The following TPRG1 variants were observed in gnomAD, a reference collection of about 807,000 sequenced individuals.
The protein encoded by TPRG1 is tumor protein p63 regulated 1.
Under a neutral mutation model 29.3 loss-of-function variants are expected in TPRG1, and 29 were observed. That is an observed-to-expected ratio of 0.99 (90% CI 0.74 to 1.35). TPRG1 has a LOEUF of 1.35. TPRG1 is among the 40% of genes most tolerant of loss of function. The pLI is 0.00. For synonymous variants in TPRG1, 130 were observed against 116.8 expected (o/e 1.11, Z -0.73); for missense variants, 327 against 335.0 (o/e 0.98, Z 0.19).
intron 4 of TPRG1, among the ~76,000 whole-genome samples, chr3:189,068,699 C>G (rs993093222): frequency 2.6e-5 from 4 of 152,108 alleles, no homozygotes; most frequent in African/African-American, 9.7e-5. Flanking sequence ...TCGCTCAAAC[C>G]TGGGAGGCGG....
intron 3 of TPRG1, among the ~76,000 whole-genome samples, chr3:189,017,335 C>T (rs970610096): frequency 6.6e-6 from 1 of 151,966 alleles, no homozygotes; most frequent in African/African-American, 2.4e-5. Flanking sequence ...CCCACTAACT[C>T]GTCATCTAGC....
intron 4 of TPRG1, among the ~76,000 whole-genome samples, chr3:189,054,632 C>G (rs1201312270): frequency 6.6e-6 from 1 of 151,812 alleles, no homozygotes. Context: ...TGCACACACA[C>G]AAAAGCCGGG....
At chr3:189,161,572 G>C (rs1727494919) in intron 5 of TPRG1, among the ~76,000 whole-genome samples, 1 of 151,978 alleles carries the variant, frequency 6.6e-6, no homozygotes, top group African/African-American at 2.4e-5. Flanking sequence ...AGGCCCAAAA[G>C]CCTGGCAGTA....
chr3:189,147,603 C>G (rs1174479019), exon 4 of TPRG1: 1 of 152,206 alleles, frequency 6.6e-6, no homozygotes, highest in African/African-American at 2.4e-5. Flanking sequence ...CATTTGGAAG[C>G]CCCTTTGCTT....
At position 189,090,194 on chromosome 3, in the gene TPRG1, G is replaced by T. The variant is rs192722411; in HGVS notation, c.-462-36863G>T. Among the ~76,000 whole-genome samples the T allele has an allele frequency of 3.3e-5, 5 of 152,006 alleles. No homozygotes were observed. The South Asian group carries it at 1.0e-3, about 32-fold the overall frequency. On this transcript the variant is annotated intron_variant, in intron 4 of 10. Coordinates refer to the TPRG1 transcript ENST00000433971. ...AAAGCTACATCCCCCAAATTTTGAC[G>T]CATAGTATTCTTATTGTCATTTATT...
At position 189,164,606 on chromosome 3, in the gene TPRG1, T is replaced by TA. The variant is rs10576237; in HGVS notation, c.-10+13745dup. On this transcript the variant is annotated intron_variant, in intron 5 of 6. Transcript: ENST00000412373. ...ACCTCTTTTGAAAATTGAAATAAGCTAAAAAAAAAAATAAAAGCTTCCCTT... is the reference window on the plus strand; with the variant it reads ...ACCTCTTTTGAAAATTGAAATAAGCTAAAAAAAAAAAATAAAAGCTTCCCTT... 1.2e-3 allele frequency among the ~76,000 whole-genome samples: 180 copies of TA among 147,938 alleles called. 1 individual carries two copies. Among genetic ancestry groups the TA allele is most frequent in the East Asian group, 4.2e-3 (21 of 5,016 alleles).
At chr3:189,098,827 A>T (rs1718869535), upstream of TPRG1, among the ~76,000 whole-genome samples, 1 of 152,114 alleles carries the variant, frequency 6.6e-6, no homozygotes, top group South Asian at 2.1e-4. Flanking sequence ...TGGCCTTATA[A>T]CAATTTGTTT....
chr3:189,117,467 G>C (rs1352941036), intron 1 of TPRG1, among the ~76,000 whole-genome samples: 1 of 152,196 alleles, frequency 6.6e-6, no homozygotes, highest in Non-Finnish European at 1.5e-5. Context: ...TCCATGCCCT[G>C]TAGTTTAGCA....
At chr3:189,031,414 T>C (rs1418899914) in intron 4 of TPRG1, among the ~76,000 whole-genome samples, 1 of 152,262 alleles carries the variant, frequency 6.6e-6, no homozygotes, top group African/African-American at 2.4e-5. Flanking sequence ...GTATGCATGA[T>C]GTTTCATATA....
At chr3:189,168,555 A>C (rs1049186492), upstream of TPRG1, among the ~76,000 whole-genome samples, 1 of 152,206 alleles carries the variant, frequency 6.6e-6, no homozygotes, top group Non-Finnish European at 1.5e-5. Context: ...TGTTTAAGAC[A>C]TGGTCCTTAT....
intron 3 of TPRG1, among the ~76,000 whole-genome samples, chr3:189,229,025 C>T (rs1482975674): frequency 6.6e-6 from 1 of 151,942 alleles, no homozygotes; most frequent in Non-Finnish European, 1.5e-5. Context: ...TGTAATCATG[C>T]AAAATAAAGA....
At chr3:189,082,646 C>T (rs554799845) in intron 4 of TPRG1, among the ~76,000 whole-genome samples, 1 of 152,282 alleles carries the variant, frequency 6.6e-6, no homozygotes, top group Non-Finnish European at 1.5e-5. Context: ...CTGCCACTCA[C>T]TCTAATTTGG....
At chr3:189,076,428 T>C (rs1256801362) in intron 4 of TPRG1, among the ~76,000 whole-genome samples, 1 of 152,198 alleles carries the variant, frequency 6.6e-6, no homozygotes, top group African/African-American at 2.4e-5. Context: ...GCAGTTCTAA[T>C]GATCTGTAAG....
intron 3 of TPRG1, chr3:189,217,983 C>G: frequency 1.0e-6 from 1 of 985,414 alleles, no homozygotes. Flanking sequence ...AGAAAATAAA[C>G]AAACATGCAG....
intron 5 of TPRG1, among the ~76,000 whole-genome samples, chr3:189,163,273 C>T (rs2108636974): frequency 6.6e-6 from 1 of 152,234 alleles, no homozygotes; most frequent in South Asian, 2.1e-4. Context: ...AACTCCGTCT[C>T]AAAAAACGAA....
At chr3:189,136,049 A>G (rs531706101) in intron 3 of TPRG1, among the ~76,000 whole-genome samples, 1 of 152,292 alleles carries the variant, frequency 6.6e-6, no homozygotes, top group African/African-American at 2.4e-5. Flanking sequence ...CCTATCTACC[A>G]ACAATTCTAA....
chr3:189,237,286 T>C (rs1370551940), intron 3 of TPRG1, among the ~76,000 whole-genome samples: 4 of 151,768 alleles, frequency 2.6e-5, no homozygotes, highest in African/African-American at 9.7e-5. Context: ...TACACACACA[T>C]GCACACACAC....
At chr3:189,211,575 TC>T (rs768855478) in intron 2 of TPRG1, 6 of 152,186 alleles carry the variant, frequency 3.9e-5, no homozygotes, top group Non-Finnish European at 8.8e-5. Context: ...GGATGTTACT[TC>T]CTTTCCTCAG....
chr3:189,087,126 G>A (rs1364664488), intron 4 of TPRG1, among the ~76,000 whole-genome samples: 1 of 152,176 alleles, frequency 6.6e-6, no homozygotes, highest in Non-Finnish European at 1.5e-5. Context: ...CCCACTAACA[G>A]TGTAAAAGTG....
Sources: allele counts gnomAD v4.1 joint callset (sites outside exome capture counted in the v4.1 genomes callset), GRCh38; gene constraint gnomAD v4.1.1; transcripts MANE v1.5; gene names NCBI Gene and HGNC (gene_info 2026-07-23, HGNC 2026-07-21).